The following C10orf90 variants were observed in gnomAD, a reference collection of about 807,000 sequenced individuals.
The protein encoded by C10orf90 is chromosome 10 open reading frame 90.
C10orf90 carries 56 observed loss-of-function variants against 62.5 expected under a neutral mutation model. That is an observed-to-expected ratio of 0.90 (90% CI 0.72 to 1.12). The LOEUF is 1.12. Ranked by LOEUF, C10orf90 falls within the 50% of genes most tolerant of loss-of-function variation. C10orf90 has a pLI of 0.00. For missense variants in C10orf90, 970 were observed against 880.4 expected (o/e 1.10, Z -1.29); for synonymous variants, 386 against 340.4 (o/e 1.13, Z -1.47).
chr10:126,559,014 A>G (rs2133985593), intron 2 of C10orf90, among the ~76,000 whole-genome samples: 1 of 152,384 alleles, frequency 6.6e-6, no homozygotes, highest in Non-Finnish European at 1.5e-5. Context: ...GCTTTCCCAC[A>G]TCACTGAAGT....
At chr10:126,531,902 G>A (rs564742527) in intron 2 of C10orf90, among the ~76,000 whole-genome samples, 1 of 152,278 alleles carries the variant, frequency 6.6e-6, no homozygotes, top group East Asian at 1.9e-4. Flanking sequence ...AGATATCCAG[G>A]ATGTATAATG....
chr10:126,508,158 T>TGAGAGAGAGAGAGAGAGAGAGAGA (rs57143666), intron 3 of C10orf90, among the ~76,000 whole-genome samples: 1 of 131,468 alleles, frequency 7.6e-6, no homozygotes, highest in African/African-American at 3.1e-5. Flanking sequence ...AATGAGTGAG[T>TGAGAGAGAGAGAGAGAGAGAGAGA]GAGAGAGAGA....
At chr10:126,450,079 C>T (rs965296302) in intron 7 of C10orf90, among the ~76,000 whole-genome samples, 8 of 151,224 alleles carry the variant, frequency 5.3e-5, no homozygotes, top group Non-Finnish European at 1.0e-4. Context: ...CCCATTTACA[C>T]TGACATCACA....
chr10:126,657,685 G>A (rs566932090), intron 1 of C10orf90, among the ~76,000 whole-genome samples: 1 of 149,336 alleles, frequency 6.7e-6, no homozygotes, highest in Non-Finnish European at 1.5e-5. Context: ...GCCCCATCTC[G>A]GCTCATTGCA....
At chr10:126,546,139 A>G (rs548406396) in intron 2 of C10orf90, among the ~76,000 whole-genome samples, 1 of 152,334 alleles carries the variant, frequency 6.6e-6, no homozygotes, top group Admixed American at 6.5e-5. Context: ...CCTAGGAAAA[A>G]CAAAAACCAA....
chr10:126,479,129 A>T (rs1861045183), intron 4 of C10orf90, among the ~76,000 whole-genome samples: 1 of 152,116 alleles, frequency 6.6e-6, no homozygotes, highest in African/African-American at 2.4e-5. Flanking sequence ...AAAAGAACAT[A>T]ATTGTCCAAG....
chr10:126,614,994 T>C (rs1845511662), intron 2 of C10orf90, among the ~76,000 whole-genome samples: 2 of 152,212 alleles, frequency 1.3e-5, no homozygotes, highest in Admixed American at 1.3e-4. Flanking sequence ...GCTTCTGTTC[T>C]GGCTGGCTTG....
At chr10:126,657,154 T>G (rs1346023411) in intron 1 of C10orf90, among the ~76,000 whole-genome samples, 1 of 152,182 alleles carries the variant, frequency 6.6e-6, no homozygotes, top group Admixed American at 6.5e-5. Flanking sequence ...TTTTTTTAAT[T>G]GTGGTAAAAT....
At chr10:126,649,656 G>A (rs1846253094) in intron 1 of C10orf90, among the ~76,000 whole-genome samples, 1 of 152,156 alleles carries the variant, frequency 6.6e-6, no homozygotes, top group Admixed American at 6.5e-5. Flanking sequence ...TTCCTTCAGA[G>A]CACTTGCCTT....
At chr10:126,669,471 A>G (rs1164315778) in intron 1 of C10orf90, among the ~76,000 whole-genome samples, 1 of 152,266 alleles carries the variant, frequency 6.6e-6, no homozygotes, top group Non-Finnish European at 1.5e-5. Flanking sequence ...AGCAATTTGC[A>G]TGTTACATCT....
intron 2 of C10orf90, among the ~76,000 whole-genome samples, chr10:126,567,877 A>G (rs1295353539): frequency 6.6e-6 from 1 of 152,134 alleles, no homozygotes; most frequent in East Asian, 1.9e-4. Flanking sequence ...TGACTAGGGA[A>G]AGATATTTGT....
At chr10:126,662,014 G>A (rs182275357) in intron 1 of C10orf90, among the ~76,000 whole-genome samples, 232 of 151,342 alleles carry the variant, frequency 1.5e-3, no homozygotes, top group African/African-American at 5.4e-3. Context: ...TGGATTCTTT[G>A]AATGTTTAGT....
intron 2 of C10orf90, among the ~76,000 whole-genome samples, chr10:126,612,059 G>A (rs896498174): frequency 1.4e-4 from 21 of 152,150 alleles, no homozygotes; most frequent in Non-Finnish European, 2.2e-4. Flanking sequence ...TGTGGCTCAC[G>A]CCTATAATCC....
At chr10:126,510,959 T>G (rs1408909191) in intron 3 of C10orf90, among the ~76,000 whole-genome samples, 1 of 152,246 alleles carries the variant, frequency 6.6e-6, no homozygotes, top group Non-Finnish European at 1.5e-5. Flanking sequence ...ATCTCTACCT[T>G]GAAACCTGAA....
In C10orf90 at chr10:126,516,383, G is replaced by A. The variant is rs548071038; in HGVS notation, c.314-2444C>T. On this transcript the variant is annotated intron_variant, in intron 2 of 9. Transcript: ENST00000488181. ...GCTGGTTGCTATCACTGTGGCATCA[G>A]TGGTCAGAAAGCCACTGGAATCACA... 2.6e-5 allele frequency among the ~76,000 whole-genome samples: 4 copies of A among 152,302 alleles called. No individual in the cohort carries two copies. In the South Asian group the frequency reaches 8.3e-4, roughly 32 times the overall value.
chr10:126,631,904 A>C (rs1173453917), intron 2 of C10orf90, among the ~76,000 whole-genome samples: 1 of 152,032 alleles, frequency 6.6e-6, no homozygotes, highest in Non-Finnish European at 1.5e-5. Context: ...TGCTAAGAGC[A>C]GATGGGGCAG....
chr10:126,485,214 A>C (rs1311595648), intron 4 of C10orf90, among the ~76,000 whole-genome samples: 1 of 152,200 alleles, frequency 6.6e-6, no homozygotes, highest in Non-Finnish European at 1.5e-5. Flanking sequence ...ACAAAAACTC[A>C]ACAGTCCACA....
rs1383767431 is a variant in C10orf90 at position 126,441,473 on chromosome 10, G to A, written c.2189-11623C>T. ...TGGAAAACATATTGGGGGAATAATC[G>A]AGGAAAACTTCCCTGGCCTTGCTAG... On this transcript the variant is annotated intron_variant, in intron 7 of 9. Transcript: ENST00000488181. 2.6e-5 allele frequency among the ~76,000 whole-genome samples: 4 copies of A among 152,208 alleles called. No homozygotes were observed. In the South Asian group the frequency reaches 6.2e-4, roughly 24 times the overall value.
intron 2 of C10orf90, among the ~76,000 whole-genome samples, chr10:126,630,863 T>C (rs553070517): frequency 3.9e-5 from 6 of 152,322 alleles, no homozygotes; most frequent in African/African-American, 1.4e-4. Flanking sequence ...GGGGCTCTAT[T>C]TGCAACAACC....
Sources: gnomAD v4.1 joint callset for allele counts (sites outside exome capture counted in the v4.1 genomes callset) on GRCh38, gnomAD v4.1.1 for gene constraint, MANE v1.5 for transcripts, NCBI Gene and HGNC (gene_info 2026-07-23, HGNC 2026-07-21) for gene names.